Variants in PGBD5 observed in about 807,000 individuals in gnomAD.
PGBD5 encodes piggyBac transposable element-derived protein 5.
In PGBD5, 14 loss-of-function variants were observed where a neutral mutation model predicts 47.9. The ratio of observed to expected loss-of-function variants is 0.29; its 90% CI spans 0.19 to 0.46. The LOEUF (loss-of-function observed/expected upper bound fraction) is 0.46, where lower values mean the gene tolerates loss of function less well. Ranked by LOEUF, PGBD5 falls within the 20% of genes least tolerant of loss-of-function variation. The pLI, the probability that PGBD5 is intolerant of heterozygous loss-of-function variation, is 1.00. For synonymous variants in PGBD5, 316 were observed against 306.3 expected (o/e 1.03, Z -0.33); for missense variants, 635 against 716.0 (o/e 0.89, Z 1.29).
At chr1:230,345,673 T>C (rs1667464033) in intron 3 of PGBD5, among the ~76,000 whole-genome samples, 1 of 152,224 alleles carries the variant, frequency 6.6e-6, no homozygotes, top group African/African-American at 2.4e-5. Context: ...ACCTTTTCCT[T>C]GGCTAGTGAT....
Position 230,323,314 on chromosome 1 carries a change from A to T in PGBD5, c.*111T>A. The T allele has an allele frequency of 2.3e-6, 3 of 1,299,284 alleles. No individual in the cohort carries two copies. The highest frequency in any genetic ancestry group is 2.1e-6 in the Non-Finnish European group (2 of 950,316). 80.5% of individuals were successfully genotyped at this position (1,299,284 alleles called of 1,614,324 possible). ...TCCAGAGGCCCTGTGCATCCCTCCC[A>T]GGCAGCAAGCCACACACCAGGCCGT... On this transcript the variant is annotated 3_prime_UTR_variant, in exon 7 of 7. Coordinates refer to ENST00000391860, the MANE Select transcript of PGBD5 (RefSeq NM_001258311.2). This position sits in a 1 kb window ranked among gnomAD's most constrained non-coding sequence, Gnocchi z 4.1.
At chr1:230,403,602 C>G (rs74796283) in intron 1 of PGBD5, among the ~76,000 whole-genome samples, 12,995 of 152,330 alleles carry the variant, frequency 0.085, 720 homozygotes, top group South Asian at 0.22. Context: ...CCAGCCCCAT[C>G]CTGAGTGCTC....
At chr1:230,424,930 G>A (rs1346667297) in intron 1 of PGBD5, among the ~76,000 whole-genome samples, 2 of 152,236 alleles carry the variant, frequency 1.3e-5, no homozygotes, top group Admixed American at 6.5e-5. Flanking sequence ...TGTGGCCACA[G>A]TGGTAAGCAG....
chr1:230,335,028 GACAC>G (rs113524416), intron 4 of PGBD5, among the ~76,000 whole-genome samples: 4 of 142,072 alleles, frequency 2.8e-5, no homozygotes, highest in African/African-American at 5.1e-5. Flanking sequence ...ACTCGACACA[GACAC>G]ACACACACAG....
chr1:230,328,856 G>A (rs775041629), intron 5 of PGBD5, among the ~76,000 whole-genome samples: 1 of 152,206 alleles, frequency 6.6e-6, no homozygotes, highest in African/African-American at 2.4e-5. Flanking sequence ...GAAGATGACA[G>A]ACCCAAGGTG....
At chr1:230,369,076 C>G (rs1667887943) in intron 1 of PGBD5, among the ~76,000 whole-genome samples, 1 of 152,224 alleles carries the variant, frequency 6.6e-6, no homozygotes, top group Non-Finnish European at 1.5e-5. Flanking sequence ...TGGCCACAGG[C>G]CAGACAGAAT....
At chr1:230,387,766 A>G (rs1656680110) in intron 1 of PGBD5, among the ~76,000 whole-genome samples, 1 of 152,190 alleles carries the variant, frequency 6.6e-6, no homozygotes, top group African/African-American at 2.4e-5. Flanking sequence ...TGAAGTGTCC[A>G]ACAACCTCAT....
intron 1 of PGBD5, among the ~76,000 whole-genome samples, chr1:230,411,935 C>A (rs1657418296): frequency 6.6e-6 from 1 of 152,082 alleles, no homozygotes; most frequent in Non-Finnish European, 1.5e-5. Flanking sequence ...AGAAGATATT[C>A]ATGAGAAGAG....
intron 1 of PGBD5, among the ~76,000 whole-genome samples, chr1:230,412,001 C>A (rs967014806): frequency 6.6e-6 from 1 of 152,098 alleles, no homozygotes; most frequent in South Asian, 2.1e-4. Flanking sequence ...AACTCTCCCC[C>A]CAAAAAGAAA....
At chr1:230,338,095 T>C (rs574139041) in intron 3 of PGBD5, among the ~76,000 whole-genome samples, 69 of 152,366 alleles carry the variant, frequency 4.5e-4, no homozygotes, top group African/African-American at 1.6e-3. Flanking sequence ...GATCTGAGCC[T>C]GCCACAGATT....
chr1:230,356,579 G>A (rs1444832801), intron 2 of PGBD5, among the ~76,000 whole-genome samples: 4 of 152,256 alleles, frequency 2.6e-5, no homozygotes, highest in South Asian at 2.1e-4. Context: ...ATTAATATTC[G>A]CCTGAGCAAA....
chr1:230,388,229 G>C (rs890220383), intron 1 of PGBD5, among the ~76,000 whole-genome samples: 2 of 152,152 alleles, frequency 1.3e-5, no homozygotes, highest in Non-Finnish European at 2.9e-5. Context: ...GAAAGGACGA[G>C]AGCGGACACG....
At chr1:230,352,944 C>T (rs964096254) in intron 2 of PGBD5, among the ~76,000 whole-genome samples, 2 of 152,210 alleles carry the variant, frequency 1.3e-5, no homozygotes, top group African/African-American at 2.4e-5. Flanking sequence ...ATTGCCCTCT[C>T]TCATTCTCTT....
At position 230,357,517 on chromosome 1, in the gene PGBD5, C is replaced by T. The variant is rs571244027; in HGVS notation, c.332-196G>A. Among the ~76,000 whole-genome samples the T allele has an allele frequency of 1.3e-5, 2 of 152,342 alleles. No homozygotes were observed. The highest frequency in any genetic ancestry group is 4.8e-5 in the African/African-American group (2 of 41,576). ...TGCCGGCTCCCATAGCTTTTGTACGCCCCTTTGCTCCAAAACAGCCAGCTC... is the reference window on the plus strand; with the variant it reads ...TGCCGGCTCCCATAGCTTTTGTACGTCCCTTTGCTCCAAAACAGCCAGCTC... On this transcript the variant is annotated intron_variant, in intron 1 of 6. Transcript: ENST00000391860. The surrounding 1 kb of genome is among the most constrained non-coding windows in gnomAD (Gnocchi z 5.7).
chr1:230,356,379 C>T (rs1667645601), intron 2 of PGBD5, among the ~76,000 whole-genome samples: 1 of 152,106 alleles, frequency 6.6e-6, no homozygotes. Context: ...GGGAATCAGA[C>T]CAGAGATGCC....
At position 230,320,997 on chromosome 1, in the gene PGBD5, C is replaced by A. The variant is rs1234573196; in HGVS notation, c.*2428G>T. 2 of 152,156 alleles carry A rather than the reference C, an allele frequency of 1.3e-5. No homozygotes were observed. Among genetic ancestry groups the A allele is most frequent in the Non-Finnish European group, 2.9e-5 (2 of 68,034 alleles). The allele number at this position is 152,156 out of a possible 1,614,324, so 9.4% of individuals were successfully genotyped here. A position where few individuals can be genotyped will look rare whatever the true frequency, so the allele number is the denominator to read the frequency against. On this transcript the variant is annotated 3_prime_UTR_variant, in exon 7 of 7. Coordinates refer to ENST00000391860, the MANE Select transcript of PGBD5 (RefSeq NM_001258311.2). ...TTAGAAACAGAGTGTTACAATGTTA[C>A]AATTATTCTCTCATGACTGGGGAAT...
chr1:230,385,916 A>G (rs1225805520), intron 1 of PGBD5, among the ~76,000 whole-genome samples: 1 of 152,166 alleles, frequency 6.6e-6, no homozygotes, highest in Non-Finnish European at 1.5e-5. Flanking sequence ...GCCCCACCCT[A>G]GCCCTGCTAA....
chr1:230,417,748 C>T lies in PGBD5; in HGVS notation c.331+7850G>A, dbSNP rs903070824. Among the ~76,000 whole-genome samples, 4 of 152,342 alleles carry T rather than the reference C, an allele frequency of 2.6e-5. No individual in the cohort carries two copies. In the East Asian group the frequency reaches 5.8e-4, roughly 22 times the overall value. On this transcript the variant is annotated intron_variant, in intron 1 of 6. Coordinates refer to ENST00000391860, the MANE Select transcript of PGBD5 (RefSeq NM_001258311.2). ...AAATCCATGTTTTCCCTGATCACAGCATTCACCAGAGACACTTATCTCTTT... is the reference window on the plus strand; with the variant it reads ...AAATCCATGTTTTCCCTGATCACAGTATTCACCAGAGACACTTATCTCTTT...
chr1:230,412,827 T>G (rs1225884612), intron 1 of PGBD5, among the ~76,000 whole-genome samples: 2 of 152,190 alleles, frequency 1.3e-5, no homozygotes, highest in Non-Finnish European at 2.9e-5. Flanking sequence ...AGTGCAAACC[T>G]GTGTTGTTCA....
Sources: allele counts gnomAD v4.1 joint callset (sites outside exome capture counted in the v4.1 genomes callset), GRCh38; gene constraint gnomAD v4.1.1; non-coding constraint Gnocchi (gnomAD v3.1); transcripts MANE v1.5; gene names NCBI Gene and HGNC (gene_info 2026-07-23, HGNC 2026-07-21).